PHACTR2: variants seen among roughly 807,000 people sequenced by gnomAD.
PHACTR2 encodes the protein phosphatase and actin regulator 2.
In PHACTR2, 30 loss-of-function variants were observed where a neutral mutation model predicts 76.0. The ratio of observed to expected loss-of-function variants is 0.39; its 90% CI spans 0.30 to 0.54. The LOEUF (loss-of-function observed/expected upper bound fraction) is 0.54, where lower values mean the gene tolerates loss of function less well. Among genes scored for constraint, PHACTR2 ranks in the 20% least tolerant of loss-of-function variants. PHACTR2 has a pLI of 0.61. For missense variants in PHACTR2, 696 were observed against 781.1 expected (o/e 0.89, Z 1.30); for synonymous variants, 292 against 292.5 (o/e 1.00, Z 0.02).
rs568003487 is a variant in PHACTR2, at chr6:143,624,257, C to T, written c.13+15935C>T. 6.9e-4 allele frequency among the ~76,000 whole-genome samples: 105 copies of T among 152,230 alleles called. No individual in the cohort carries two copies. The highest frequency in any genetic ancestry group is 2.2e-3 in the African/African-American group (93 of 41,528). On this transcript the variant is annotated intron_variant, in intron 1 of 11. Transcript: ENST00000305766. This position sits in a 1 kb window ranked among gnomAD's most constrained non-coding sequence, Gnocchi z 4.6. ...GAGTAGCTGGGATTACAGGTGCCTGCCACCACACCTGACTAATTTTTGTAT... is the reference window on the plus strand; with the variant it reads ...GAGTAGCTGGGATTACAGGTGCCTGTCACCACACCTGACTAATTTTTGTAT...
intron 1 of PHACTR2, among the ~76,000 whole-genome samples, chr6:143,670,529 C>T (rs1023640145): frequency 6.6e-6 from 1 of 152,124 alleles, no homozygotes; most frequent in Admixed American, 6.6e-5. Context: ...TTCTTGGAGG[C>T]TTTGTTCATT....
Position 143,639,192 on chromosome 6 carries a change from A to G in PHACTR2, c.13+30870A>G, listed in dbSNP as rs557596560. The stretch of plus-strand genomic sequence containing the variant: ...TCTGCTTTCATGAGCCACCAATGAC[A>G]TGCTTCATAAAATGACAATTGCTGC... On this transcript the variant is annotated intron_variant, in intron 1 of 11. Transcript: ENST00000305766. The surrounding 1 kb of genome is among the most constrained non-coding windows in gnomAD (Gnocchi z 5.0). Among the ~76,000 whole-genome samples, 53 of 152,362 alleles carry G rather than the reference A, an allele frequency of 3.5e-4. No homozygotes were observed. The highest frequency in any genetic ancestry group is 3.4e-3 in the Middle Eastern group (1 of 294).
upstream of PHACTR2, among the ~76,000 whole-genome samples, chr6:143,674,909 G>A (rs991324298): frequency 2.0e-5 from 3 of 152,196 alleles, no homozygotes; most frequent in African/African-American, 7.2e-5. The surrounding 1 kb of genome is among the most constrained non-coding windows in gnomAD (Gnocchi z 4.9). Flanking sequence ...ACCTAGAAAA[G>A]AACTTTCTCA....
At chr6:143,643,648 A>G (rs1776605313) in intron 1 of PHACTR2, among the ~76,000 whole-genome samples, 1 of 152,238 alleles carries the variant, frequency 6.6e-6, no homozygotes, top group Non-Finnish European at 1.5e-5. Flanking sequence ...AAACAAAATA[A>G]TAACTAAGTA....
Position 143,678,070 on chromosome 6 carries a change from A to C in PHACTR2, c.-94A>C. ...GGCGGGCCGCTCGGCACAGGCCGGG[A>C]CATGAACGCCTGGAAGTCTGGCTGG... On this transcript the variant is annotated 5_prime_UTR_variant, in exon 1 of 13. Coordinates refer to ENST00000440869, the MANE Select transcript of PHACTR2 (RefSeq NM_001100164.2). The surrounding 1 kb of genome is among the most constrained non-coding windows in gnomAD (Gnocchi z 6.2). 1.3e-6 allele frequency: 2 copies of C among 1,539,708 alleles called. No homozygotes were observed. The highest frequency in any genetic ancestry group is 1.8e-6 in the Non-Finnish European group (2 of 1,142,064).
At chr6:143,685,061 AC>A (rs1385487174) in intron 1 of PHACTR2, among the ~76,000 whole-genome samples, 1 of 151,990 alleles carries the variant, frequency 6.6e-6, no homozygotes, top group Non-Finnish European at 1.5e-5. Flanking sequence ...TTTTTCTTGT[AC>A]CTTAAGTTTG....
chr6:143,736,628 G>A (rs572311139), intron 2 of PHACTR2, among the ~76,000 whole-genome samples: 2 of 122,070 alleles, frequency 1.6e-5, no homozygotes, highest in African/African-American at 3.1e-5. Flanking sequence ...AGGCTGGAGT[G>A]CAGTGGCAAG....
chr6:143,695,862 C>T lies in PHACTR2; in HGVS notation c.47-16154C>T, dbSNP rs988894155. Among the ~76,000 whole-genome samples, 20 of 152,120 alleles carry T rather than the reference C, an allele frequency of 1.3e-4. No individual in the cohort carries two copies. The highest frequency in any genetic ancestry group is 4.1e-4 in the African/African-American group (17 of 41,416). ...AATGCAACTTCCTGTGTTTAGCAGCCGTAGCAACACATCTTATACGGTGCA... is the reference window on the plus strand; with the variant it reads ...AATGCAACTTCCTGTGTTTAGCAGCTGTAGCAACACATCTTATACGGTGCA... On this transcript the variant is annotated intron_variant, in intron 1 of 12. Transcript: ENST00000440869. This position sits in a 1 kb window ranked among gnomAD's most constrained non-coding sequence, Gnocchi z 4.4.
At chr6:143,622,117 C>T (rs754871751) in intron 1 of PHACTR2, among the ~76,000 whole-genome samples, 10 of 152,224 alleles carry the variant, frequency 6.6e-5, no homozygotes, top group Non-Finnish European at 1.0e-4. Flanking sequence ...TTATTCGGGC[C>T]GAGTTGCAGT....
In PHACTR2 at chr6:143,698,674, T is replaced by C. The variant is rs1777828986; in HGVS notation, c.47-13342T>C. On this transcript the variant is annotated intron_variant, in intron 1 of 12. Transcript: ENST00000440869. This position sits in a 1 kb window ranked among gnomAD's most constrained non-coding sequence, Gnocchi z 4.3. ...CCCACATTTCCTACTCACTACACAC[T>C]GCAGGTCTACGTTTGGGTGGATGGT... is the stretch of plus-strand genomic sequence containing the variant. Among the ~76,000 whole-genome samples the C allele has an allele frequency of 6.6e-6, 1 of 152,222 alleles. No individual in the cohort carries two copies. Among genetic ancestry groups the C allele is most frequent in the South Asian group, 2.1e-4 (1 of 4,836 alleles).
rs1394601526 is a variant in PHACTR2, at chr6:143,653,629, T to A, written c.13+45307T>A. Among the ~76,000 whole-genome samples, 1 of 151,714 alleles carries A rather than the reference T, an allele frequency of 6.6e-6. No homozygotes were observed. The highest frequency in any genetic ancestry group is 1.5e-5 in the Non-Finnish European group (1 of 67,986). On this transcript the variant is annotated intron_variant, in intron 1 of 11. Coordinates refer to the PHACTR2 transcript ENST00000305766. The surrounding 1 kb of genome is among the most constrained non-coding windows in gnomAD (Gnocchi z 4.9). ...CAATTCAATGGGGAAAGAAATGTCT[T>A]ATCAGCAAACAGTGCTAGGGCAACT... is the stretch of plus-strand genomic sequence containing the variant.
chr6:143,591,748 C>T lies in PHACTR2; in HGVS notation c.217+54541C>T, dbSNP rs1775694844. Among the ~76,000 whole-genome samples the T allele has an allele frequency of 1.3e-5, 2 of 152,350 alleles. No homozygotes were observed. The highest frequency in any genetic ancestry group is 1.9e-4 in the East Asian group (1 of 5,182). ...GGGGCCTCCCTGCTCTGGGCGCCAC[C>T]TTGGCCTCCTCCAATTATCCATCTC... On this transcript the variant is annotated intron_variant, in intron 1 of 11. Transcript: ENST00000367584. The surrounding 1 kb of genome is among the most constrained non-coding windows in gnomAD (Gnocchi z 6.4).
rs1412198349 is a variant in PHACTR2 at position 143,597,934 on chromosome 6, C to T, written c.217+60727C>T. Reference sequence around the variant, plus strand: ...CCTGCCATATTTTCTACCTGTTACTCAGCACGCAAGACTTCAGGTGCACCT... The same window carrying T: ...CCTGCCATATTTTCTACCTGTTACTTAGCACGCAAGACTTCAGGTGCACCT... On this transcript the variant is annotated intron_variant, in intron 1 of 11. Coordinates refer to the PHACTR2 transcript ENST00000367584. This position sits in a 1 kb window ranked among gnomAD's most constrained non-coding sequence, Gnocchi z 5.7. Among the ~76,000 whole-genome samples the T allele has an allele frequency of 2.0e-5, 3 of 152,178 alleles. No homozygotes were observed. Among genetic ancestry groups the T allele is most frequent in the African/African-American group, 7.2e-5 (3 of 41,438 alleles).
In PHACTR2 at chr6:143,563,361, G is replaced by A. The variant is rs565017691; in HGVS notation, c.217+26154G>A. Among the ~76,000 whole-genome samples, 4 of 150,770 alleles carry A rather than the reference G, an allele frequency of 2.7e-5. No individual in the cohort carries two copies. The South Asian group carries it at 6.4e-4, about 24-fold the overall frequency. Reference sequence around the variant, plus strand: ...GGGTGGATCACGAGGTCAGCAGATCGAGACCATCCTTGCGAACATGGTGAA... The same window carrying A: ...GGGTGGATCACGAGGTCAGCAGATCAAGACCATCCTTGCGAACATGGTGAA... On this transcript the variant is annotated intron_variant, in intron 1 of 11. Coordinates refer to the PHACTR2 transcript ENST00000367584.
At chr6:143,693,988 G>T (rs773472774) in intron 1 of PHACTR2, among the ~76,000 whole-genome samples, 1 of 152,032 alleles carries the variant, frequency 6.6e-6, no homozygotes, top group Non-Finnish European at 1.5e-5. Context: ...AGGATCACCC[G>T]AACCCAGGAG....
At chr6:143,615,897 T>C (rs1776051648) in intron 1 of PHACTR2, among the ~76,000 whole-genome samples, 1 of 152,206 alleles carries the variant, frequency 6.6e-6, no homozygotes, top group African/African-American at 2.4e-5. Flanking sequence ...TGCTAACACG[T>C]TACATTCCAC....
rs1369806185 is a variant in PHACTR2, at chr6:143,819,831, G to A, written c.1923-3843G>A. 2.0e-5 allele frequency among the ~76,000 whole-genome samples: 3 copies of A among 152,148 alleles called. No individual in the cohort carries two copies. Among genetic ancestry groups the A allele is most frequent in the African/African-American group, 7.2e-5 (3 of 41,422 alleles). On this transcript the variant is annotated intron_variant, in intron 12 of 12. Coordinates refer to ENST00000440869, the MANE Select transcript of PHACTR2 (RefSeq NM_001100164.2). This position sits in a 1 kb window ranked among gnomAD's most constrained non-coding sequence, Gnocchi z 5.0. ...GTCCCTGAAAACACCCTCACAGACT[G>A]TATTAGGCCATTCTTGACTGCTATA...
In PHACTR2 at chr6:143,731,539, G is replaced by A. The variant is rs770338350; in HGVS notation, c.215-17446G>A. Among the ~76,000 whole-genome samples, 2 of 152,036 alleles carry A rather than the reference G, an allele frequency of 1.3e-5. No individual in the cohort carries two copies. The highest frequency in any genetic ancestry group is 4.8e-5 in the African/African-American group (2 of 41,402). Reference sequence around the variant, plus strand: ...GGACCTCAGGTGATCTGCCCGCCTCGGCCTCCCAAAGTGCTGGGATTACAG... The same window carrying A: ...GGACCTCAGGTGATCTGCCCGCCTCAGCCTCCCAAAGTGCTGGGATTACAG... On this transcript the variant is annotated intron_variant, in intron 2 of 12. Transcript: ENST00000440869. This position sits in a 1 kb window ranked among gnomAD's most constrained non-coding sequence, Gnocchi z 4.9.
chr6:143,748,783 T>A, intron 2 of PHACTR2: 1 of 432,180 alleles, frequency 2.3e-6, no homozygotes, highest in Non-Finnish European at 4.1e-6. Context: ...GCGGTTGGAC[T>A]TCAGATCATG....
Sources: gnomAD v4.1 joint callset for allele counts (sites outside exome capture counted in the v4.1 genomes callset) on GRCh38, gnomAD v4.1.1 for gene constraint, Gnocchi (gnomAD v3.1) non-coding constraint, MANE v1.5 for transcripts, NCBI Gene and HGNC (gene_info 2026-07-23, HGNC 2026-07-21) for gene names.